The following FAM83A variants were observed in gnomAD, a reference collection of about 807,000 sequenced individuals.
FAM83A encodes scaffolding CK1 anchoring protein A.
Under a neutral mutation model 24.4 loss-of-function variants are expected in FAM83A, and 21 were observed. The observed-to-expected ratio is 0.86, with a 90% CI of 0.61 to 1.24. The LOEUF is 1.24. FAM83A is among the 50% of genes most tolerant of loss of function. The pLI is 0.00. For missense variants in FAM83A, 617 were observed against 579.8 expected, an observed-to-expected ratio of 1.06 and a Z score of -0.66; for synonymous variants, 270 against 252.4, an observed-to-expected ratio of 1.07 and a Z score of -0.66.
chr8:123,209,659 G>C lies in FAM83A; in HGVS notation c.*1971G>C, dbSNP rs574447166. 6.3e-4 allele frequency: 764 copies of C among 1,214,084 alleles called. 7 individuals are homozygous for C. In the East Asian group the frequency reaches 0.016, roughly 26 times the overall value. 75.2% of individuals were successfully genotyped at this position (1,214,084 alleles called of 1,614,324 possible). On this transcript the variant is annotated 3_prime_UTR_variant, in exon 4 of 4. Coordinates refer to ENST00000690554, the Ensembl canonical transcript of FAM83A. This position sits in a 1 kb window ranked among gnomAD's most constrained non-coding sequence, Gnocchi z 4.7. ...AGCTCCCAAGCCCAGCTTTCCAAAG[G>C]CCTCAGCCTGTGCCTGTGTCGAGCT...
In FAM83A at chr8:123,209,808, TG is replaced by T. The variant is rs1824678298; in HGVS notation, c.*2123del. On this transcript the variant is annotated 3_prime_UTR_variant, in exon 4 of 4. Transcript: ENST00000690554. The surrounding 1 kb of genome is among the most constrained non-coding windows in gnomAD (Gnocchi z 4.7). ...GACAAAGGTGCAGTTTCTCCTCTCC[TG>T]GGCACCTGTAACATGTGATGCGCTG... 2.0e-6 allele frequency: 1 copy of T among 511,258 alleles called. No individual in the cohort carries two copies. The highest frequency in any genetic ancestry group is 3.5e-6 in the Non-Finnish European group (1 of 285,160). 31.7% of individuals were successfully genotyped at this position (511,258 alleles called of 1,614,324 possible).
chr8:123,182,043 C>G (rs767924907), upstream of FAM83A: 17 of 456,202 alleles, frequency 3.7e-5, no homozygotes, highest in South Asian at 2.3e-4. Flanking sequence ...ACTGACTGGT[C>G]CCCTGGGCTC....
chr8:123,194,295 G>A, intron 3 of FAM83A, 147 bp downstream of exon 3: 3 of 1,158,514 alleles, frequency 2.6e-6, no homozygotes, highest in East Asian at 4.9e-5. Context: ...GCATCACATA[G>A]ATGGGGTGAG....
At chr8:123,182,138 G>A (rs745655707), upstream of FAM83A, 46 of 456,162 alleles carry the variant, frequency 1.0e-4, 1 homozygote, top group South Asian at 7.1e-4. Context: ...CTGAGAACTG[G>A]AACCTCTGCG....
chr8:123,208,869 C>T, exon 4 of FAM83A: 2 of 953,594 alleles, frequency 2.1e-6, no homozygotes, highest in Non-Finnish European at 2.5e-6. Context: ...TAGGCTGAGA[C>T]AGGAGAATTG....
At chr8:123,198,652 C>T (rs1586784899) in intron 3 of FAM83A, among the ~76,000 whole-genome samples, 1 of 152,182 alleles carries the variant, frequency 6.6e-6, no homozygotes, top group East Asian at 1.9e-4. Context: ...GTTCCACCCT[C>T]GAATCCTCAA....
At chr8:123,197,986 T>C (rs976526774) in intron 3 of FAM83A, among the ~76,000 whole-genome samples, 2 of 151,916 alleles carry the variant, frequency 1.3e-5, no homozygotes, top group African/African-American at 4.8e-5. Flanking sequence ...AAAAATTAGC[T>C]GGGCATGGTG....
chr8:123,180,941 T>C (rs1823583266), upstream of FAM83A, among the ~76,000 whole-genome samples: 1 of 152,032 alleles, frequency 6.6e-6, no homozygotes, highest in Non-Finnish European at 1.5e-5. Flanking sequence ...TATATTATTT[T>C]ATTTTATTAT....
intron 1 of FAM83A, among the ~76,000 whole-genome samples, chr8:123,184,843 G>GCT (rs1823737884): frequency 6.6e-6 from 1 of 152,202 alleles, no homozygotes; most frequent in Admixed American, 6.5e-5. Flanking sequence ...ACACTTAGAA[G>GCT]AAGTCATAAA....
intron 3 of FAM83A, among the ~76,000 whole-genome samples, chr8:123,206,918 C>T (rs1470178333): frequency 2.0e-5 from 3 of 150,022 alleles, no homozygotes; most frequent in African/African-American, 7.5e-5. Context: ...CTGTCCTCCT[C>T]CTCCTCCTCT....
exon 4 of FAM83A, chr8:123,208,627 C>T (rs1422268033): frequency 5.1e-6 from 5 of 985,412 alleles, no homozygotes; most frequent in Non-Finnish European, 6.0e-6. Flanking sequence ...CAGTGCCCCT[C>T]TTTGTTTCTG....
intron 3 of FAM83A, among the ~76,000 whole-genome samples, chr8:123,200,535 G>A (rs897263870): frequency 2.6e-5 from 4 of 152,108 alleles, no homozygotes; most frequent in African/African-American, 7.2e-5. Context: ...CTTTAATAAG[G>A]GCCAGGTGTG....
In FAM83A at chr8:123,194,017, C is replaced by T; in HGVS notation, c.649-7C>T. On this transcript the variant is annotated splice_polypyrimidine_tract_variant and splice_region_variant and intron_variant, in intron 2 of 3. Coordinates refer to ENST00000690554, the Ensembl canonical transcript of FAM83A. ...AGGAAGTGACACCTTGACTTTCCCTCCAACAGAACATTTCCATCCGGAGTG... is the reference window on the plus strand; with the variant it reads ...AGGAAGTGACACCTTGACTTTCCCTTCAACAGAACATTTCCATCCGGAGTG... 1 of 1,614,062 alleles carries T rather than the reference C, an allele frequency of 6.2e-7. No individual in the cohort carries two copies. Among genetic ancestry groups the T allele is most frequent in the East Asian group, 2.2e-5 (1 of 44,884 alleles).
intron 3 of FAM83A, among the ~76,000 whole-genome samples, chr8:123,203,786 G>A (rs990691954): frequency 4.0e-5 from 6 of 151,240 alleles, no homozygotes; most frequent in Non-Finnish European, 5.9e-5. Context: ...TCACCAAAGA[G>A]GCAACATATG....
intron 3 of FAM83A, among the ~76,000 whole-genome samples, chr8:123,203,462 C>A (rs1376870128): frequency 6.6e-6 from 1 of 151,594 alleles, no homozygotes; most frequent in Non-Finnish European, 1.5e-5. Context: ...GTGGCACGTG[C>A]CTGTAGTCCC....
At chr8:123,183,017 T>C in exon 1 of FAM83A, 1 of 1,604,378 alleles carries the variant, frequency 6.2e-7, no homozygotes, top group Non-Finnish European at 8.5e-7. Flanking sequence ...TGGCGGGTGC[T>C]CAGCCAGGAA....
intron 1 of FAM83A, among the ~76,000 whole-genome samples, chr8:123,190,427 A>ATT (rs567254834): frequency 1.5e-5 from 2 of 137,462 alleles, no homozygotes; most frequent in Non-Finnish European, 1.6e-5. Flanking sequence ...AGTCCAGCTA[A>ATT]TTTTTTTTTT....
At chr8:123,181,811 C>G, upstream of FAM83A, 1 of 317,938 alleles carries the variant, frequency 3.1e-6, no homozygotes, top group Admixed American at 3.8e-5. Flanking sequence ...CTCTTCCCCA[C>G]TTCTCTCTGT....
chr8:123,189,923 TC>T (rs1049011354), intron 1 of FAM83A, among the ~76,000 whole-genome samples: 7 of 152,280 alleles, frequency 4.6e-5, no homozygotes, highest in African/African-American at 1.4e-4. Flanking sequence ...TGGGTTCACA[TC>T]CCCCATCCTA....
Sources: gnomAD v4.1 joint callset for allele counts (sites outside exome capture counted in the v4.1 genomes callset) on GRCh38, gnomAD v4.1.1 for gene constraint, Gnocchi (gnomAD v3.1) non-coding constraint, MANE v1.5 for transcripts, NCBI Gene and HGNC (gene_info 2026-07-23, HGNC 2026-07-21) for gene names.